RBFOX1: variants seen among roughly 807,000 people sequenced by gnomAD.
RBFOX1 encodes RNA binding protein fox-1 homolog 1.
RBFOX1 carries 8 observed loss-of-function variants against 57.7 expected under a neutral mutation model. The observed-to-expected ratio is 0.14, with a 90% CI of 0.08 to 0.25. RBFOX1 has a LOEUF of 0.25. Among genes scored for constraint, RBFOX1 ranks in the 10% least tolerant of loss-of-function variants. RBFOX1 has a pLI of 1.00. For missense variants in RBFOX1, 611 were observed against 548.5 expected (o/e 1.11, Z -1.14); for synonymous variants, 326 against 222.4 (o/e 1.47, Z -4.15).
At chr16:6,259,813 T>G (rs1460560596) in intron 1 of RBFOX1, among the ~76,000 whole-genome samples, 1 of 151,952 alleles carries the variant, frequency 6.6e-6, no homozygotes, top group African/African-American at 2.4e-5. Flanking sequence ...CAAAAAAAAG[T>G]AGCCAGGCCT....
chr16:5,929,033 T>TAA (rs3041579), intron 4 of RBFOX1, among the ~76,000 whole-genome samples: 2,788 of 127,006 alleles, frequency 0.022, 101 homozygotes, highest in African/African-American at 0.075. Flanking sequence ...CTTTCCAATT[T>TAA]AAAAAAAAAA....
At chr16:6,888,014 G>A (rs903407630) in intron 3 of RBFOX1, among the ~76,000 whole-genome samples, 1 of 151,892 alleles carries the variant, frequency 6.6e-6, no homozygotes, top group Admixed American at 6.6e-5. Flanking sequence ...TTTTTGTTTG[G>A]GTGATTGATT....
chr16:7,466,448 G>A (rs2060536669), intron 4 of RBFOX1, among the ~76,000 whole-genome samples: 1 of 152,128 alleles, frequency 6.6e-6, no homozygotes, highest in African/African-American at 2.4e-5. Flanking sequence ...AGAAAAGAGG[G>A]GCTTAGTAGC....
At chr16:5,586,568 A>T (rs1321619552) in intron 2 of RBFOX1, among the ~76,000 whole-genome samples, 2 of 152,156 alleles carry the variant, frequency 1.3e-5, no homozygotes, top group African/African-American at 4.8e-5. Context: ...CATGATTATA[A>T]CTCACTGCAG....
At chr16:7,091,909 C>G (rs1435422907) in intron 4 of RBFOX1, among the ~76,000 whole-genome samples, 1 of 152,130 alleles carries the variant, frequency 6.6e-6, no homozygotes, top group African/African-American at 2.4e-5. Flanking sequence ...GATCATCATG[C>G]CAGTTTAATT....
chr16:5,713,050 C>A (rs2051553784), intron 3 of RBFOX1, among the ~76,000 whole-genome samples: 1 of 152,164 alleles, frequency 6.6e-6, no homozygotes, highest in African/African-American at 2.4e-5. Flanking sequence ...AAGGAAAAGT[C>A]TGTTGGGTAG....
At chr16:5,856,551 G>GTGTGTGTA (rs1555547831) in intron 3 of RBFOX1, among the ~76,000 whole-genome samples, 5 of 63,972 alleles carry the variant, frequency 7.8e-5, no homozygotes, top group African/African-American at 3.1e-4. Flanking sequence ...GTGTGTGTGT[G>GTGTGTGTA]TGTGTGTGTG....
chr16:6,069,873 G>A (rs1373633120), intron 1 of RBFOX1, among the ~76,000 whole-genome samples: 1 of 151,540 alleles, frequency 6.6e-6, no homozygotes, highest in Non-Finnish European at 1.5e-5. Context: ...TGTAATCCCA[G>A]CTATTCGGGA....
chr16:6,490,954 T>G (rs1291545747), intron 2 of RBFOX1, among the ~76,000 whole-genome samples: 1 of 152,178 alleles, frequency 6.6e-6, no homozygotes, highest in Non-Finnish European at 1.5e-5. Flanking sequence ...TTCATCTAAG[T>G]GTTGGTTCAG....
chr16:6,721,219 G>A (rs1472708640), intron 3 of RBFOX1, among the ~76,000 whole-genome samples: 1 of 152,172 alleles, frequency 6.6e-6, no homozygotes. Context: ...AAGGCAGGTG[G>A]ATCACCTGAG....
intron 4 of RBFOX1, among the ~76,000 whole-genome samples, chr16:7,150,676 A>G (rs1009468825): frequency 2.6e-5 from 4 of 152,230 alleles, no homozygotes; most frequent in African/African-American, 9.6e-5. Flanking sequence ...AAGTAAAGTG[A>G]TGTTTAGAAA....
chr16:5,798,475 C>G (rs1254352458), intron 3 of RBFOX1, among the ~76,000 whole-genome samples: 1 of 152,084 alleles, frequency 6.6e-6, no homozygotes, highest in Non-Finnish European at 1.5e-5. Context: ...AGGTAGATGG[C>G]TCAGGATAGG....
chr16:7,422,777 C>G (rs145585089), intron 4 of RBFOX1: 2 of 152,314 alleles, frequency 1.3e-5, no homozygotes, highest in Non-Finnish European at 1.5e-5. Flanking sequence ...TTGAGCAAAG[C>G]AGTGTGATTA....
At chr16:7,189,731 C>T (rs2084910061) in intron 4 of RBFOX1, among the ~76,000 whole-genome samples, 3 of 152,238 alleles carry the variant, frequency 2.0e-5, no homozygotes, top group Admixed American at 2.0e-4. Context: ...GTCAGCAGTT[C>T]CCGTGGTTCC....
At chr16:7,158,849 G>C (rs945984130) in intron 4 of RBFOX1, among the ~76,000 whole-genome samples, 2 of 152,048 alleles carry the variant, frequency 1.3e-5, no homozygotes, top group Non-Finnish European at 2.9e-5. Context: ...TGGTATGTGT[G>C]TGTGCATGTG....
At chr16:6,608,026 T>C (rs2097969977) in intron 2 of RBFOX1, among the ~76,000 whole-genome samples, 1 of 152,162 alleles carries the variant, frequency 6.6e-6, no homozygotes, top group Non-Finnish European at 1.5e-5. Context: ...CTGTAATATT[T>C]TATCTTCTAC....
chr16:6,762,804 A>G (rs1398654704), intron 3 of RBFOX1, among the ~76,000 whole-genome samples: 1 of 152,154 alleles, frequency 6.6e-6, no homozygotes, highest in African/African-American at 2.4e-5. Context: ...GAAACAGGCA[A>G]TTGCAAAATA....
intron 2 of RBFOX1, among the ~76,000 whole-genome samples, chr16:6,413,285 C>A (rs1374585854): frequency 6.7e-6 from 1 of 149,750 alleles, no homozygotes; most frequent in African/African-American, 2.5e-5. Context: ...TGCCATTGCA[C>A]TCCAGCCTGC....
chr16:6,889,754 G>C (rs2064982868), intron 3 of RBFOX1, among the ~76,000 whole-genome samples: 1 of 152,190 alleles, frequency 6.6e-6, no homozygotes, highest in Non-Finnish European at 1.5e-5. Context: ...AGACCCTTCA[G>C]TGGTAAAAAC....
Sources: allele counts gnomAD v4.1 joint callset (sites outside exome capture counted in the v4.1 genomes callset), GRCh38; gene constraint gnomAD v4.1.1; transcripts MANE v1.5; gene names NCBI Gene and HGNC (gene_info 2026-07-23, HGNC 2026-07-21).